Variants in RNF175 observed in about 807,000 individuals in gnomAD.
RNF175 encodes the protein ring finger protein 175.
RNF175 carries 38 observed loss-of-function variants against 50.0 expected under a neutral mutation model. The observed-to-expected ratio is 0.76, with a 90% confidence interval of 0.59 to 1.00. RNF175 has a LOEUF of 1.00. RNF175 is among the 50% of genes least tolerant of loss of function. The pLI is 0.00. For missense variants in RNF175, 388 were observed against 409.6 expected, an observed-to-expected ratio of 0.95 and a Z score of 0.46; for synonymous variants, 155 against 146.1, an observed-to-expected ratio of 1.06 and a Z score of -0.44.
chr4:153,748,569 A>C, intron 3 of RNF175, 76 bp downstream of exon 3: 6 of 1,348,744 alleles, frequency 4.4e-6, no homozygotes, highest in Non-Finnish European at 6.0e-6. Context: ...TAACCAAGGG[A>C]GAACATGTCC....
At chr4:153,732,752 G>T (rs1466961528) in intron 3 of RNF175, among the ~76,000 whole-genome samples, 1 of 152,128 alleles carries the variant, frequency 6.6e-6, no homozygotes, top group Non-Finnish European at 1.5e-5. Flanking sequence ...AGAGGGTGAT[G>T]TTGAATGAAA....
intron 1 of RNF175, among the ~76,000 whole-genome samples, chr4:153,759,245 G>A (rs1740705802): frequency 6.6e-6 from 1 of 152,228 alleles, no homozygotes; most frequent in South Asian, 2.1e-4. Context: ...AAGACAAGCT[G>A]ACGATCAGGG....
At chr4:153,727,452 T>C (rs1277201692) in intron 4 of RNF175, 2 of 152,246 alleles carry the variant, frequency 1.3e-5, no homozygotes, top group Admixed American at 1.3e-4. Flanking sequence ...GTTTCCTACT[T>C]TTTTAGAGGA....
chr4:153,719,045 C>T (rs766774361), intron 6 of RNF175, among the ~76,000 whole-genome samples: 48 of 152,228 alleles, frequency 3.2e-4, no homozygotes, highest in Non-Finnish European at 6.0e-4. Context: ...GTTTGCTGCA[C>T]CTGTCAACCC....
At chr4:153,735,199 G>C (rs183450722) in intron 3 of RNF175, among the ~76,000 whole-genome samples, 2 of 150,834 alleles carry the variant, frequency 1.3e-5, no homozygotes, top group African/African-American at 2.4e-5. Flanking sequence ...TTTCTAAAAG[G>C]TGTATTGTAT....
In RNF175 at chr4:153,759,910, G is replaced by C; in HGVS notation, c.-48C>G. On this transcript the variant is annotated 5_prime_UTR_variant, in exon 1 of 9. Coordinates refer to ENST00000347063, the MANE Select transcript of RNF175 (RefSeq NM_173662.4). ...CAGGGCACAGCGCCTGCCGGGGAGG[G>C]TCCCGCAGAGTCCGCAGAAGGAGGC... is the stretch of plus-strand genomic sequence containing the variant. 2.6e-6 allele frequency: 3 copies of C among 1,146,942 alleles called. No individual in the cohort carries two copies. The highest frequency in any genetic ancestry group is 3.4e-6 in the Non-Finnish European group (3 of 885,956). The allele number at this position is 1,146,942 out of a possible 1,614,324, so 71.0% of individuals were successfully genotyped here. A position where few individuals can be genotyped will look rare whatever the true frequency, so the allele number is the denominator to read the frequency against.
chr4:153,711,373 G>A (rs1368318570), intron 8 of RNF175, among the ~76,000 whole-genome samples: 1 of 151,748 alleles, frequency 6.6e-6, no homozygotes, highest in Admixed American at 6.6e-5. Context: ...GGGCACTGCA[G>A]AGGGTGGTCT....
At chr4:153,744,468 C>T (rs191173490) in intron 3 of RNF175, among the ~76,000 whole-genome samples, 47 of 152,032 alleles carry the variant, frequency 3.1e-4, no homozygotes, top group African/African-American at 1.1e-3. Context: ...AGGAGTGGTG[C>T]GACACAGTGC....
At chr4:153,728,697 G>T (rs577750500) in intron 3 of RNF175, among the ~76,000 whole-genome samples, 2 of 152,338 alleles carry the variant, frequency 1.3e-5, no homozygotes, top group South Asian at 2.1e-4. Flanking sequence ...ATAATTGGGG[G>T]TACAGATGCT....
intron 7 of RNF175, 167 bp downstream of exon 7, chr4:153,715,362 T>C: frequency 1.4e-6 from 1 of 711,764 alleles, no homozygotes; most frequent in Non-Finnish European, 2.5e-6. Context: ...CAGTTCATTA[T>C]TCAGCAGGGA....
intron 3 of RNF175, among the ~76,000 whole-genome samples, chr4:153,742,272 CAAAAAAAAAAAAA>C (rs34991607): frequency 2.9e-5 from 3 of 103,890 alleles, no homozygotes; most frequent in African/African-American, 1.2e-4. Flanking sequence ...GCTTCTGTTC[CAAAAAAAAAAAAA>C]AAAAAAAATT....
At chr4:153,717,892 A>G (rs1738033973) in intron 6 of RNF175, among the ~76,000 whole-genome samples, 2 of 152,158 alleles carry the variant, frequency 1.3e-5, no homozygotes, top group Non-Finnish European at 2.9e-5. Context: ...TAAAATTTGC[A>G]TAAATTTAAG....
At chr4:153,730,977 T>A (rs570418017) in intron 3 of RNF175, among the ~76,000 whole-genome samples, 1 of 152,354 alleles carries the variant, frequency 6.6e-6, no homozygotes, top group African/African-American at 2.4e-5. Context: ...ACATTGTACT[T>A]TTAAAAATAG....
chr4:153,743,712 A>C (rs1353904814), intron 3 of RNF175, among the ~76,000 whole-genome samples: 1 of 152,200 alleles, frequency 6.6e-6, no homozygotes, highest in Non-Finnish European at 1.5e-5. Context: ...GCTGTGTGAC[A>C]GAGGGACATA....
intron 7 of RNF175, among the ~76,000 whole-genome samples, chr4:153,712,812 T>C (rs1179944617): frequency 6.6e-6 from 1 of 152,186 alleles, no homozygotes; most frequent in African/African-American, 2.4e-5. Flanking sequence ...CTTGCCTCAC[T>C]TGATTCTGGT....
At chr4:153,759,535 CGAAG>C (rs1740722340) in intron 1 of RNF175, among the ~76,000 whole-genome samples, 2 of 151,718 alleles carry the variant, frequency 1.3e-5, no homozygotes, top group Non-Finnish European at 2.9e-5. Flanking sequence ...AGGGATGGAG[CGAAG>C]GAAGAGGATC....
At chr4:153,757,303 C>G (rs1404599458) in intron 1 of RNF175, among the ~76,000 whole-genome samples, 1 of 152,188 alleles carries the variant, frequency 6.6e-6, no homozygotes, top group Non-Finnish European at 1.5e-5. Flanking sequence ...CTCATCCCCC[C>G]ACTGAATCCT....
At chr4:153,746,755 G>A (rs1032050721) in intron 3 of RNF175, among the ~76,000 whole-genome samples, 5 of 152,208 alleles carry the variant, frequency 3.3e-5, no homozygotes, top group South Asian at 2.1e-4. Context: ...TCTGCTTGGC[G>A]TTGTCCTCCT....
At chr4:153,730,428 T>TAA (rs940982472) in intron 3 of RNF175, among the ~76,000 whole-genome samples, 3 of 145,324 alleles carry the variant, frequency 2.1e-5, no homozygotes, top group East Asian at 4.0e-4. Context: ...GACCCTGTCT[T>TAA]AAAAAAAAAA....
Sources: gnomAD v4.1 joint callset for allele counts (sites outside exome capture counted in the v4.1 genomes callset) on GRCh38, gnomAD v4.1.1 for gene constraint, MANE v1.5 for transcripts, NCBI Gene and HGNC (gene_info 2026-07-23, HGNC 2026-07-21) for gene names.